Variants in CALCR observed in about 807,000 individuals in gnomAD.
CALCR encodes the protein calcitonin receptor.
In CALCR, 47 loss-of-function variants were observed where a neutral mutation model predicts 59.5. The ratio of observed to expected loss-of-function variants is 0.79; its 90% CI spans 0.63 to 1.01. The LOEUF (loss-of-function observed/expected upper bound fraction) is 1.01. CALCR is among the 50% of genes least tolerant of loss of function. The probability of loss-of-function intolerance (pLI) is 0.00; values close to 1 mark genes in which losing one functional copy is unlikely to be tolerated. For synonymous variants in CALCR, 213 were observed against 211.3 expected, an observed-to-expected ratio of 1.01 and a Z score of -0.07; for missense variants, 566 against 597.1, an observed-to-expected ratio of 0.95 and a Z score of 0.54.
At chr7:93,530,868 T>C (rs1162885703) in intron 2 of CALCR, among the ~76,000 whole-genome samples, 1 of 152,092 alleles carries the variant, frequency 6.6e-6, no homozygotes, top group Non-Finnish European at 1.5e-5. Context: ...GTGTGGTCCC[T>C]GGACCAGCAG....
intron 2 of CALCR, among the ~76,000 whole-genome samples, chr7:93,542,530 C>T (rs1260421586): frequency 6.6e-6 from 1 of 152,116 alleles, no homozygotes. Context: ...TTTATAAACA[C>T]TGTACACTTA....
intron 2 of CALCR, among the ~76,000 whole-genome samples, chr7:93,507,797 C>T (rs1801458344): frequency 6.6e-6 from 1 of 150,602 alleles, no homozygotes; most frequent in Non-Finnish European, 1.5e-5. Flanking sequence ...GTGGCGGGCG[C>T]CTGTAGTCCC....
intron 7 of CALCR, among the ~76,000 whole-genome samples, chr7:93,465,652 A>G (rs892383231): frequency 4.6e-5 from 7 of 151,890 alleles, no homozygotes; most frequent in Non-Finnish European, 7.4e-5. Context: ...GTCTTTCTCT[A>G]GGAAGAATGC....
chr7:93,524,858 C>T (rs1801844148), intron 2 of CALCR, among the ~76,000 whole-genome samples: 1 of 152,096 alleles, frequency 6.6e-6, no homozygotes, highest in Non-Finnish European at 1.5e-5. Flanking sequence ...TTTGTCCCTA[C>T]TGGTTTCTAC....
intron 2 of CALCR, among the ~76,000 whole-genome samples, chr7:93,538,821 T>C (rs1355476383): frequency 6.6e-6 from 1 of 152,080 alleles, no homozygotes; most frequent in East Asian, 1.9e-4. Context: ...CAGATGATTA[T>C]TTAAACAGTG....
intron 5 of CALCR, among the ~76,000 whole-genome samples, 186 bp downstream of exon 5, chr7:93,477,372 T>G (rs555131638): frequency 1.3e-5 from 2 of 151,494 alleles, no homozygotes; most frequent in African/African-American, 4.8e-5. Context: ...CAACATGACT[T>G]AAAAAAAAGG....
intron 2 of CALCR, among the ~76,000 whole-genome samples, chr7:93,534,929 T>G (rs1458118872): frequency 1.3e-5 from 2 of 151,746 alleles, no homozygotes; most frequent in Non-Finnish European, 3.0e-5. Context: ...TCAATCTATA[T>G]AGAATCCAGT....
rs186495396 is a variant in CALCR, at chr7:93,481,325, C to T, written c.52-1818G>A. ...ATCAGATGTCCACAGGTTAAAGTTG[C>T]GGGGTGGGGTGGGGGCAGCCAGGAA... is the stretch of plus-strand genomic sequence containing the variant. On this transcript the variant is annotated intron_variant, in intron 3 of 13. Coordinates refer to ENST00000426151, the MANE Select transcript of CALCR (RefSeq NM_001742.4). Among the ~76,000 whole-genome samples, 449 of 151,434 alleles carry T rather than the reference C, an allele frequency of 3.0e-3. 3 individuals are homozygous for T. The highest frequency in any genetic ancestry group is 0.01 in the Middle Eastern group (3 of 294).
intron 2 of CALCR, among the ~76,000 whole-genome samples, chr7:93,573,390 G>T (rs981662575): frequency 6.6e-6 from 1 of 152,130 alleles, no homozygotes; most frequent in Admixed American, 6.6e-5. Flanking sequence ...TTCAATCACC[G>T]AATAATTTCA....
intron 7 of CALCR, among the ~76,000 whole-genome samples, chr7:93,465,290 T>A (rs1444600739): frequency 6.6e-6 from 1 of 151,940 alleles, no homozygotes; most frequent in Non-Finnish European, 1.5e-5. Flanking sequence ...TGGTCAAGAA[T>A]CAAACTGAAA....
chr7:93,509,432 C>T (rs1436100067), intron 2 of CALCR, among the ~76,000 whole-genome samples: 1 of 151,940 alleles, frequency 6.6e-6, no homozygotes, highest in African/African-American at 2.4e-5. Flanking sequence ...AACAGAAGCC[C>T]AAAATCTTTT....
chr7:93,481,167 A>T (rs1800787840), intron 3 of CALCR, among the ~76,000 whole-genome samples: 1 of 151,910 alleles, frequency 6.6e-6, no homozygotes, highest in Non-Finnish European at 1.5e-5. Flanking sequence ...GGGACATGAA[A>T]GGTTCAAAAC....
intron 2 of CALCR, among the ~76,000 whole-genome samples, chr7:93,515,023 T>C (rs1315942907): frequency 6.6e-6 from 1 of 152,070 alleles, no homozygotes; most frequent in Non-Finnish European, 1.5e-5. Context: ...TCTAAAAACA[T>C]TAACATGTTT....
At chr7:93,500,979 G>A (rs1331680780) in intron 2 of CALCR, among the ~76,000 whole-genome samples, 1 of 151,986 alleles carries the variant, frequency 6.6e-6, no homozygotes, top group African/African-American at 2.4e-5. Context: ...AAATTTGAGT[G>A]CCCTTGGAAA....
At chr7:93,556,952 G>A (rs1789622942) in intron 2 of CALCR, among the ~76,000 whole-genome samples, 1 of 151,998 alleles carries the variant, frequency 6.6e-6, no homozygotes, top group Admixed American at 6.6e-5. Flanking sequence ...TATGGGATTT[G>A]TAATTTTCAC....
At chr7:93,511,258 A>T (rs1460223631) in intron 2 of CALCR, among the ~76,000 whole-genome samples, 1 of 152,156 alleles carries the variant, frequency 6.6e-6, no homozygotes, top group Non-Finnish European at 1.5e-5. Flanking sequence ...ATGGTGGATG[A>T]GATTGGAGAA....
chr7:93,558,771 A>C lies in CALCR; in HGVS notation c.-27+15518T>G, dbSNP rs538466818. ...AAATGCTTCACTCAAAACCTCTTGAACTGTGGAAACGATGGGGAAGAGAGT... is the reference window on the plus strand; with the variant it reads ...AAATGCTTCACTCAAAACCTCTTGACCTGTGGAAACGATGGGGAAGAGAGT... On this transcript the variant is annotated intron_variant, in intron 2 of 13. Transcript: ENST00000426151. Among the ~76,000 whole-genome samples, 5 of 152,290 alleles carry C rather than the reference A, an allele frequency of 3.3e-5. No individual in the cohort carries two copies. The South Asian group carries it at 8.3e-4, about 25-fold the overall frequency.
rs1563002209 is a variant in CALCR, at chr7:93,510,155, T to TA, written c.-26-23149_-26-23148insT. 5.1e-4 allele frequency among the ~76,000 whole-genome samples: 78 copies of TA among 152,102 alleles called. 2 individuals are homozygous for TA. In the South Asian group the frequency reaches 0.016, roughly 31 times the overall value. On this transcript the variant is annotated intron_variant, in intron 2 of 13. Transcript: ENST00000426151. ...GATCAAAGCAGAACTCAGAGTAGAG[T>TA]GGTGGGTACTCGATAATTACTTACA...
chr7:93,558,237 T>G (rs1214356081), intron 2 of CALCR, among the ~76,000 whole-genome samples: 2 of 151,978 alleles, frequency 1.3e-5, no homozygotes, highest in African/African-American at 4.8e-5. Context: ...TACTGCCTTG[T>G]ATCCAATTTT....
Sources: allele counts gnomAD v4.1 joint callset (sites outside exome capture counted in the v4.1 genomes callset), GRCh38; gene constraint gnomAD v4.1.1; transcripts MANE v1.5; gene names NCBI Gene and HGNC (gene_info 2026-07-23, HGNC 2026-07-21).